SOX5: variants seen among roughly 807,000 people sequenced by gnomAD.
SOX5 encodes the protein SRY-box transcription factor 5.
SOX5 carries 9 observed loss-of-function variants against 92.0 expected under a neutral mutation model. That is an observed-to-expected ratio of 0.10 (90% CI 0.06 to 0.17). SOX5 has a LOEUF of 0.17. Ranked by LOEUF, SOX5 falls within the 10% of genes least tolerant of loss-of-function variation. SOX5 has a pLI of 1.00. For missense variants in SOX5, 642 were observed against 944.5 expected (o/e 0.68, Z 4.20); for synonymous variants, 344 against 336.3 (o/e 1.02, Z -0.25).
intron 6 of SOX5, among the ~76,000 whole-genome samples, chr12:23,717,655 T>G (rs1260708071): frequency 3.3e-5 from 5 of 152,184 alleles, no homozygotes; most frequent in Non-Finnish European, 7.3e-5. Flanking sequence ...AGCAGATCAT[T>G]ATAACAGATG....
chr12:24,263,931 T>C (rs1942636580), intron 3 of SOX5, among the ~76,000 whole-genome samples: 1 of 152,146 alleles, frequency 6.6e-6, no homozygotes, highest in South Asian at 2.1e-4. Flanking sequence ...ATTCCAAGAG[T>C]TATTAGGTTG....
At chr12:24,365,586 A>C (rs1438466788) in intron 2 of SOX5, among the ~76,000 whole-genome samples, 2 of 151,606 alleles carry the variant, frequency 1.3e-5, no homozygotes, top group Non-Finnish European at 2.9e-5. Context: ...TCCAAAATAA[A>C]ATATGGATAA....
intron 9 of SOX5, among the ~76,000 whole-genome samples, chr12:23,577,176 C>CACATATATAT (rs1273547543): frequency 6.0e-4 from 46 of 76,952 alleles, no homozygotes; most frequent in African/African-American, 2.2e-3. Context: ...CACACACACA[C>CACATATATAT]ATATATATAT....
intron 8 of SOX5, among the ~76,000 whole-genome samples, chr12:23,621,756 G>A (rs1214116657): frequency 6.6e-6 from 1 of 152,066 alleles, no homozygotes; most frequent in Non-Finnish European, 1.5e-5. Flanking sequence ...ATCCAGTAAT[G>A]CCTTCCAAGT....
At chr12:23,768,340 G>A (rs139658156) in intron 3 of SOX5, among the ~76,000 whole-genome samples, 9 of 152,058 alleles carry the variant, frequency 5.9e-5, no homozygotes, top group Middle Eastern at 3.4e-3. Flanking sequence ...TGTTTATACC[G>A]CTGGGAATCT....
At chr12:23,736,114 T>C (rs1358780707) in intron 5 of SOX5, among the ~76,000 whole-genome samples, 1 of 151,908 alleles carries the variant, frequency 6.6e-6, no homozygotes, top group African/African-American at 2.4e-5. Context: ...ATAAATAAGT[T>C]CTAGATCTCA....
chr12:24,183,183 T>G (rs1007454173), intron 4 of SOX5, among the ~76,000 whole-genome samples: 1 of 152,212 alleles, frequency 6.6e-6, no homozygotes, highest in Non-Finnish European at 1.5e-5. Context: ...TATGTATTCC[T>G]CTAAGGTCAT....
intron 1 of SOX5, among the ~76,000 whole-genome samples, chr12:24,529,293 G>A (rs1211909848): frequency 5.9e-5 from 9 of 152,140 alleles, no homozygotes; most frequent in Non-Finnish European, 1.0e-4. Flanking sequence ...TTACCACATC[G>A]GGTTTTTTCC....
chr12:24,558,796 T>A (rs1954059499), intron 1 of SOX5, among the ~76,000 whole-genome samples: 1 of 152,188 alleles, frequency 6.6e-6, no homozygotes, highest in East Asian at 1.9e-4. Flanking sequence ...CCACTCACAT[T>A]TGAGAATCAT....
chr12:24,104,722 ATG>A (rs930211212), intron 4 of SOX5, among the ~76,000 whole-genome samples: 11 of 152,240 alleles, frequency 7.2e-5, no homozygotes, highest in African/African-American at 2.2e-4. Context: ...CTTTTCAGAA[ATG>A]TCTCTGCCAA....
At chr12:24,432,949 G>A (rs1341601676) in intron 1 of SOX5, among the ~76,000 whole-genome samples, 1 of 152,138 alleles carries the variant, frequency 6.6e-6, no homozygotes, top group Admixed American at 6.5e-5. Flanking sequence ...GCATGTAACG[G>A]TGGCTATTTG....
At chr12:23,983,283 T>A (rs1949764714) in intron 4 of SOX5, among the ~76,000 whole-genome samples, 1 of 152,160 alleles carries the variant, frequency 6.6e-6, no homozygotes, top group Admixed American at 6.6e-5. Context: ...TCCCTCTGAA[T>A]GTTAACCTTC....
intron 6 of SOX5, among the ~76,000 whole-genome samples, chr12:23,673,599 C>A (rs1030071952): frequency 4.0e-5 from 6 of 151,646 alleles, no homozygotes; most frequent in Non-Finnish European, 5.9e-5. Context: ...AATAAAATTC[C>A]CTATTACTTT....
intron 4 of SOX5, among the ~76,000 whole-genome samples, chr12:24,068,704 G>GTATATATATATATATATA (rs1164844032): frequency 2.7e-5 from 2 of 74,322 alleles, no homozygotes; most frequent in African/African-American, 1.1e-4. Flanking sequence ...GTGTGTGTGT[G>GTATATATATATATATATA]TATATATATA....
At chr12:24,169,524 T>A (rs566867024) in intron 4 of SOX5, among the ~76,000 whole-genome samples, 1 of 152,350 alleles carries the variant, frequency 6.6e-6, no homozygotes, top group East Asian at 1.9e-4. Flanking sequence ...TACTCGGCCA[T>A]GATCTTCATA....
intron 4 of SOX5, among the ~76,000 whole-genome samples, chr12:23,999,647 A>C (rs1951403668): frequency 6.6e-6 from 1 of 152,230 alleles, no homozygotes; most frequent in East Asian, 1.9e-4. Context: ...TACTTTAAAA[A>C]AGTCTTTTAC....
At chr12:24,413,458 T>C (rs1212922223) in intron 1 of SOX5, among the ~76,000 whole-genome samples, 1 of 152,210 alleles carries the variant, frequency 6.6e-6, no homozygotes, top group African/African-American at 2.4e-5. Flanking sequence ...AGGCCACAGG[T>C]GAATCAGTGA....
intron 4 of SOX5, among the ~76,000 whole-genome samples, chr12:24,071,794 A>T (rs1941828618): frequency 6.6e-6 from 1 of 152,210 alleles, no homozygotes; most frequent in African/African-American, 2.4e-5. Flanking sequence ...ATACGTGGCA[A>T]ATCACAGAAT....
At chr12:24,419,623 G>A (rs1047892658) in intron 1 of SOX5, among the ~76,000 whole-genome samples, 2 of 152,132 alleles carry the variant, frequency 1.3e-5, no homozygotes, top group Non-Finnish European at 2.9e-5. Context: ...AGTCAATTCT[G>A]CTATAGATTA....
Sources: allele counts gnomAD v4.1 joint callset (sites outside exome capture counted in the v4.1 genomes callset), GRCh38; gene constraint gnomAD v4.1.1; transcripts MANE v1.5; gene names NCBI Gene and HGNC (gene_info 2026-07-23, HGNC 2026-07-21).